Variants in CHID1 observed in about 807,000 individuals in gnomAD.
CHID1 encodes the protein chitinase domain-containing protein 1.
A neutral mutation model predicts 55.4 loss-of-function variants in CHID1; 44 were observed. That is an observed-to-expected ratio of 0.79 (90% CI 0.62 to 1.02). The LOEUF is 1.02. CHID1 is among the 50% of genes least tolerant of loss of function. The pLI is 0.00. For missense variants in CHID1, 491 were observed against 515.3 expected (o/e 0.95, Z 0.46); for synonymous variants, 216 against 212.9 (o/e 1.01, Z -0.13).
upstream of CHID1, chr11:914,373 T>C (rs904385408): frequency 1.3e-5 from 6 of 459,856 alleles, no homozygotes; most frequent in African/African-American, 2.0e-5. Flanking sequence ...TGACCTGCCC[T>C]GAGGCCCTCC....
chr11:889,048 T>G (rs1237679630), intron 8 of CHID1, among the ~76,000 whole-genome samples: 1 of 152,164 alleles, frequency 6.6e-6, no homozygotes, highest in East Asian at 1.9e-4. Context: ...GGGGGTGCAC[T>G]GCCCAGCTGG....
intron 10 of CHID1, among the ~76,000 whole-genome samples, chr11:872,560 G>T (rs1453663244): frequency 1.3e-5 from 2 of 152,198 alleles, no homozygotes; most frequent in Non-Finnish European, 2.9e-5. Flanking sequence ...GCTGGGCCAG[G>T]CCCCTCAATG....
chr11:893,506 T>G lies in CHID1; in HGVS notation c.622A>C (p.Met208Leu), dbSNP rs1851007279. 3 of 1,550,354 alleles carry G rather than the reference T, an allele frequency of 1.9e-6. No homozygotes were observed. The East Asian group carries it at 7.3e-5, about 38-fold the overall frequency. Residue 208 changes from methionine to leucine, a missense_variant, in exon 8 of 13, where the codon ATG (methionine) becomes CTG (leucine). Coordinates refer to ENST00000323578, the MANE Select transcript of CHID1 (RefSeq NM_023947.4). The stretch of plus-strand genomic sequence containing the variant: ...AGAGCCTCGGCCAAGTGGGTGAGCA[T>G]GTGGATGAGGCCCCTGCAAGAACCG... Reference protein sequence around the residue: ...LSQKRVGLIHMLTHLAEALHQ... With the variant: ...LSQKRVGLIHLLTHLAEALHQ...
chr11:911,171 G>C (rs1852663186), upstream of CHID1: 1 of 152,056 alleles, frequency 6.6e-6, no homozygotes, highest in African/African-American at 2.4e-5. Flanking sequence ...GCGGTGCCGG[G>C]AGAACCGCGC....
At chr11:885,919 G>T (rs901294475) in intron 8 of CHID1, among the ~76,000 whole-genome samples, 1 of 152,096 alleles carries the variant, frequency 6.6e-6, no homozygotes, top group Non-Finnish European at 1.5e-5. Context: ...TTGGGAGGCC[G>T]AGACGGGAGG....
chr11:870,797 G>T (rs1849128119), intron 10 of CHID1: 1 of 351,368 alleles, frequency 2.8e-6, no homozygotes, highest in Non-Finnish European at 5.4e-6. Flanking sequence ...GAGCCTGAGG[G>T]TGACCCTCAG....
At chr11:902,442 G>A in intron 3 of CHID1, 112 bp from the exon 4 acceptor site, 1 of 1,222,034 alleles carries the variant, frequency 8.2e-7, no homozygotes, top group Non-Finnish European at 1.2e-6. Flanking sequence ...AGCGTAGACA[G>A]ATACCAGCCC....
chr11:908,710 G>T (rs1852415649), intron 1 of CHID1: 1 of 623,034 alleles, frequency 1.6e-6, no homozygotes, highest in Non-Finnish European at 2.0e-6. Flanking sequence ...ACTGGCCCAG[G>T]AGTAACTGGA....
chr11:905,047 T>G (rs558122181), intron 1 of CHID1, among the ~76,000 whole-genome samples, 188 bp from the exon 2 acceptor site: 1 of 152,270 alleles, frequency 6.6e-6, no homozygotes, highest in Non-Finnish European at 1.5e-5. Context: ...TCTCCAGTAC[T>G]CCTGGGCCTC....
intron 1 of CHID1, 140 bp downstream of exon 1, chr11:910,635 A>T: frequency 7.9e-7 from 1 of 1,262,528 alleles, no homozygotes; most frequent in Non-Finnish European, 1.0e-6. Flanking sequence ...GCTCTCTCTC[A>T]CGCACCCGCC....
intron 1 of CHID1, among the ~76,000 whole-genome samples, chr11:910,376 G>A (rs1262256492): frequency 2.6e-5 from 4 of 152,036 alleles, no homozygotes; most frequent in Admixed American, 1.3e-4. Flanking sequence ...CACACGAGCC[G>A]CGCGCTCACA....
At chr11:892,089 T>C (rs7952102) in intron 8 of CHID1, among the ~76,000 whole-genome samples, 73,153 of 151,852 alleles carry the variant, frequency 0.48, 19,071 homozygotes, top group East Asian at 0.69. Context: ...CACTCCAGCC[T>C]GGGCGACAGA....
chr11:902,332 T>G lies in CHID1; in HGVS notation c.262-2A>C, dbSNP rs1851882344. ...GACATCGTAGCCATGGCTGTTCCAC[T>G]GGCAAAAGATGGAGACATCAGACGG... On this transcript the variant is annotated splice_acceptor_variant, in intron 3 of 12. Transcript: ENST00000323578. LOFTEE classifies it high-confidence loss of function. 6.2e-7 allele frequency: 1 copy of G among 1,608,874 alleles called. No individual in the cohort carries two copies. Among genetic ancestry groups the G allele is most frequent in the Non-Finnish European group, 8.5e-7 (1 of 1,175,590 alleles).
intron 10 of CHID1, among the ~76,000 whole-genome samples, chr11:878,050 C>T (rs530481625): frequency 2.0e-5 from 3 of 152,342 alleles, no homozygotes; most frequent in South Asian, 2.1e-4. Flanking sequence ...CCGGACTCTT[C>T]GGAGTCCCTA....
upstream of CHID1, chr11:914,511 C>A (rs1248665359): frequency 7.8e-7 from 1 of 1,288,564 alleles, no homozygotes; most frequent in South Asian, 1.2e-5. Context: ...TTTAGGAGAC[C>A]CCATGCCTTA....
chr11:884,429 G>A (rs531068259), intron 8 of CHID1, among the ~76,000 whole-genome samples: 11 of 152,298 alleles, frequency 7.2e-5, no homozygotes, highest in East Asian at 3.9e-4. Context: ...ACCTAATGGC[G>A]GGGAGACCTG....
chr11:880,349 C>G (rs1849821933), intron 10 of CHID1, among the ~76,000 whole-genome samples: 1 of 152,220 alleles, frequency 6.6e-6, no homozygotes. Flanking sequence ...GGGTCAGGCC[C>G]TGCTCAGTGA....
At chr11:904,928 G>C in intron 1 of CHID1, 69 bp from the exon 2 acceptor site, 1 of 1,528,158 alleles carries the variant, frequency 6.5e-7, no homozygotes, top group East Asian at 2.3e-5. Flanking sequence ...CCCCTCTGCT[G>C]ATGGGGCCAC....
At chr11:886,138 A>G (rs556663233) in intron 8 of CHID1, among the ~76,000 whole-genome samples, 35 of 137,160 alleles carry the variant, frequency 2.6e-4, no homozygotes, top group Non-Finnish European at 5.0e-4. Context: ...GCGACAAAGC[A>G]AGACTCCGTC....
Sources: gnomAD v4.1 joint callset for allele counts (sites outside exome capture counted in the v4.1 genomes callset) on GRCh38, gnomAD v4.1.1 for gene constraint, MANE v1.5 for transcripts, NCBI Gene and HGNC (gene_info 2026-07-23, HGNC 2026-07-21) for gene names.